TMEM100: variants seen among roughly 807,000 people sequenced by gnomAD.
TMEM100 encodes the protein transmembrane protein 100.
For synonymous variants in TMEM100, 61 were observed against 67.1 expected, an observed-to-expected ratio of 0.91 and a Z score of 0.44; for missense variants, 137 against 168.2, an observed-to-expected ratio of 0.81 and a Z score of 1.02.
rs754070102 is a variant in TMEM100, at chr17:55,719,715, C to A, written c.*951G>T. The A allele has an allele frequency of 6.6e-6, 1 of 152,190 alleles. No homozygotes were observed. The highest frequency in any genetic ancestry group is 1.5e-5 in the Non-Finnish European group (1 of 68,030). The allele number at this position is 152,190 out of a possible 1,614,324, so 9.4% of individuals were successfully genotyped here. On this transcript the variant is annotated 3_prime_UTR_variant, in exon 2 of 2. Coordinates refer to ENST00000424486, the MANE Select transcript of TMEM100 (RefSeq NM_018286.3). ...TTCCTAATTATAATAGCACAGAAAT[C>A]CTTTAGAATTTAGTAAACGTAATTA... is the stretch of plus-strand genomic sequence containing the variant.
At position 55,721,028 on chromosome 17, in the gene TMEM100, C is replaced by T. The variant is rs779284458; in HGVS notation, c.43G>A (p.Ala15Thr). The T allele has an allele frequency of 4.3e-6, 7 of 1,613,724 alleles. No homozygotes were observed. In the East Asian group the frequency reaches 6.7e-5, roughly 15 times the overall value. ...PIKEILGAPK[A>T]HMAATMEKSP... ...TTCTCCATCGTCGCTGCCATGTGAG[C>T]CTTTGGGGCTCCCAGGATCTCCTTG... Residue 15 changes from alanine to threonine, a missense_variant, in exon 2 of 2, where the codon GCT becomes ACT. Ala to Thr is a moderately conservative substitution (Grantham distance 58). Coordinates refer to ENST00000424486, the MANE Select transcript of TMEM100 (RefSeq NM_018286.3).
At position 55,720,992 on chromosome 17, in the gene TMEM100, T is replaced by C. The variant is rs752755769; in HGVS notation, c.79A>G (p.Ser27Gly). 2 of 1,614,144 alleles carry C rather than the reference T, an allele frequency of 1.2e-6. No individual in the cohort carries two copies. Among genetic ancestry groups the C allele is most frequent in the South Asian group, 2.2e-5 (2 of 91,082 alleles). The change falls in exon 2 of 2, where the codon AGT (serine) becomes GGT (glycine). Residue 27 changes from serine (S) to glycine (G), a missense_variant. Transcript: ENST00000424486. ...MAATMEKSPK[S>G]EVVITTVPLV... ...GGGACTGTGGTGATCACAACTTCAC[T>C]CTTGGGGCTCTTCTCCATCGTCGCT...
intron 1 of TMEM100, among the ~76,000 whole-genome samples, chr17:55,731,167 G>T (rs1909196746): frequency 1.3e-5 from 2 of 152,144 alleles, no homozygotes; most frequent in African/African-American, 4.8e-5. Flanking sequence ...TTGCTTCCCT[G>T]ATTTATTTCT....
At chr17:55,723,696 A>G (rs918380657), upstream of TMEM100, among the ~76,000 whole-genome samples, 1 of 152,198 alleles carries the variant, frequency 6.6e-6, no homozygotes, top group Non-Finnish European at 1.5e-5. Context: ...ATGGATATAT[A>G]TATCATTTGG....
chr17:55,721,576 T>G (rs1410780344), intron 1 of TMEM100: 1 of 154,784 alleles, frequency 6.5e-6, no homozygotes, highest in African/African-American at 2.4e-5. Context: ...ACATGCATTC[T>G]TTGCAAACTA....
At chr17:55,726,683 A>G (rs572902656), upstream of TMEM100, among the ~76,000 whole-genome samples, 150 of 152,176 alleles carry the variant, frequency 9.9e-4, no homozygotes, top group Non-Finnish European at 1.6e-3. Context: ...ACCCAGTCCA[A>G]TTGGATGCAG....
At position 55,721,119 on chromosome 17, in the gene TMEM100, T is replaced by G. The variant is rs905700433; in HGVS notation, c.-49A>C. On this transcript the variant is annotated 5_prime_UTR_variant, in exon 2 of 2. Transcript: ENST00000424486. ...GGGTTTACAGACTAGATCTGGACAG[T>G]CTCACCAGGGTGAAAGCTGTGAAGA... is the stretch of plus-strand genomic sequence containing the variant. The G allele has an allele frequency of 6.5e-7, 1 of 1,545,860 alleles. No homozygotes were observed. Among genetic ancestry groups the G allele is most frequent in the African/African-American group, 1.4e-5 (1 of 72,830 alleles).
At position 55,722,688 on chromosome 17, in the gene TMEM100, C is replaced by T. The variant is rs1908936280; in HGVS notation, c.-135G>A. 1 of 152,222 alleles carries T rather than the reference C, an allele frequency of 6.6e-6. No homozygotes were observed. The highest frequency in any genetic ancestry group is 1.5e-5 in the Non-Finnish European group (1 of 68,056). 9.4% of individuals were successfully genotyped at this position (152,222 alleles called of 1,614,324 possible). On this transcript the variant is annotated 5_prime_UTR_variant, in exon 1 of 2. Transcript: ENST00000424486. ...AAGACAAGAAACAGCAACGCCTGAG[C>T]CTCTTCGTCCAACTTCTGGGAAAGA... is the stretch of plus-strand genomic sequence containing the variant.
chr17:55,726,708 C>T (rs1051445878), upstream of TMEM100, among the ~76,000 whole-genome samples: 1 of 152,172 alleles, frequency 6.6e-6, no homozygotes, highest in Non-Finnish European at 1.5e-5. Context: ...ATTTGGGAAG[C>T]TGGCCAGGTT....
intron 1 of TMEM100, among the ~76,000 whole-genome samples, chr17:55,729,051 G>A (rs778056564): frequency 6.6e-6 from 1 of 152,244 alleles, no homozygotes; most frequent in Non-Finnish European, 1.5e-5. Flanking sequence ...TTATCGCCTC[G>A]ATGGCGAGTT....
chr17:55,722,895 TC>T (rs1317903502), upstream of TMEM100: 1 of 152,136 alleles, frequency 6.6e-6, no homozygotes, highest in Non-Finnish European at 1.5e-5. Flanking sequence ...CTCTTTTTAT[TC>T]CCTCCCCCTC....
chr17:55,725,829 T>A (rs187104906), upstream of TMEM100, among the ~76,000 whole-genome samples: 2 of 152,156 alleles, frequency 1.3e-5, no homozygotes, highest in East Asian at 3.9e-4. Context: ...TATATCTTTA[T>A]TCAGGCACTA....
chr17:55,729,874 AC>A (rs1425905171), intron 1 of TMEM100, among the ~76,000 whole-genome samples: 2 of 152,212 alleles, frequency 1.3e-5, no homozygotes, highest in Non-Finnish European at 1.5e-5. Flanking sequence ...AATAAGCACT[AC>A]ATAGATATCT....
upstream of TMEM100, among the ~76,000 whole-genome samples, chr17:55,723,259 G>C (rs1421558769): frequency 1.3e-5 from 2 of 152,110 alleles, no homozygotes; most frequent in Non-Finnish European, 2.9e-5. Context: ...GAAGTCATCA[G>C]GCAGCTGAAT....
upstream of TMEM100, among the ~76,000 whole-genome samples, chr17:55,724,459 C>T (rs1909009352): frequency 1.3e-5 from 2 of 152,086 alleles, no homozygotes; most frequent in South Asian, 2.1e-4. Context: ...TGAGGAGTAC[C>T]GTCACTTGGT....
At chr17:55,731,921 C>G (rs1050827461) in exon 1 of TMEM100, 1 of 152,260 alleles carries the variant, frequency 6.6e-6, no homozygotes, top group African/African-American at 2.4e-5. Flanking sequence ...ACTTGTGGAG[C>G]CTCACCCTGC....
chr17:55,724,206 T>G (rs1175974227), upstream of TMEM100, among the ~76,000 whole-genome samples: 1 of 152,230 alleles, frequency 6.6e-6, no homozygotes, highest in Non-Finnish European at 1.5e-5. Context: ...TCGCCTCTCC[T>G]CTACCACAGC....
chr17:55,726,770 A>G (rs1041769887), upstream of TMEM100, among the ~76,000 whole-genome samples: 1 of 152,182 alleles, frequency 6.6e-6, no homozygotes, highest in African/African-American at 2.4e-5. Context: ...ATGTTCTGAA[A>G]TCATGGACAT....
At chr17:55,730,689 T>C (rs977836897) in intron 1 of TMEM100, among the ~76,000 whole-genome samples, 1 of 152,202 alleles carries the variant, frequency 6.6e-6, no homozygotes, top group African/African-American at 2.4e-5. Context: ...AGCATTTTTA[T>C]CCTCTTAAAA....
Sources: allele counts gnomAD v4.1 joint callset (sites outside exome capture counted in the v4.1 genomes callset), GRCh38; gene constraint gnomAD v4.1.1; transcripts MANE v1.5; gene names NCBI Gene and HGNC (gene_info 2026-07-23, HGNC 2026-07-21).